Variants in RNF144A observed in about 807,000 individuals in gnomAD.
The protein encoded by RNF144A is E3 ubiquitin-protein ligase RNF144A.
In RNF144A, 11 loss-of-function variants were observed where a neutral mutation model predicts 38.7. That is an observed-to-expected ratio of 0.28 (90% CI 0.18 to 0.47). RNF144A has a LOEUF of 0.47. Ranked by LOEUF, RNF144A falls within the 20% of genes least tolerant of loss-of-function variation. The pLI is 0.99. For synonymous variants in RNF144A, 149 were observed against 143.9 expected, an observed-to-expected ratio of 1.04 and a Z score of -0.25; for missense variants, 316 against 377.2, an observed-to-expected ratio of 0.84 and a Z score of 1.34.
At chr2:6,947,376 A>G (rs1666406119) in intron 2 of RNF144A, among the ~76,000 whole-genome samples, 1 of 152,180 alleles carries the variant, frequency 6.6e-6, no homozygotes. Flanking sequence ...TTTTAAAATC[A>G]GTAAAATACT....
At chr2:7,038,849 G>A (rs932697514) in intron 8 of RNF144A, among the ~76,000 whole-genome samples, 4 of 151,796 alleles carry the variant, frequency 2.6e-5, no homozygotes, top group Admixed American at 2.0e-4. Flanking sequence ...GAGATGGGTG[G>A]GTGAGTGGGT....
At chr2:7,054,097 C>G (rs1361844853) in intron 6 of RNF144A, among the ~76,000 whole-genome samples, 5 of 152,140 alleles carry the variant, frequency 3.3e-5, no homozygotes, top group Non-Finnish European at 7.3e-5. Flanking sequence ...TGCTGCTAAC[C>G]CTGAAGGCAG....
chr2:7,032,476 A>G (rs921172624), intron 8 of RNF144A, among the ~76,000 whole-genome samples: 2 of 152,360 alleles, frequency 1.3e-5, no homozygotes, highest in South Asian at 2.1e-4. Flanking sequence ...TGGAGCTCAG[A>G]ATTCTGAAAT....
Position 7,043,110 on chromosome 2 carries a change from T to C in RNF144A, c.*3350T>C. ...CTCAAACTCCTGACCTCAGGTGATC[T>C]GCCCACCTCGGCTTCCCAAAGTGCT... On this transcript the variant is annotated 3_prime_UTR_variant, in exon 9 of 9. Transcript: ENST00000320892. 1.2e-6 allele frequency: 1 copy of C among 837,632 alleles called. No homozygotes were observed. The highest frequency in any genetic ancestry group is 1.4e-6 in the Non-Finnish European group (1 of 695,404). The allele number at this position is 837,632 out of a possible 1,614,324, so 51.9% of individuals were successfully genotyped here.
chr2:6,947,580 A>G (rs931394594), intron 2 of RNF144A, among the ~76,000 whole-genome samples: 1 of 152,200 alleles, frequency 6.6e-6, no homozygotes, highest in Non-Finnish European at 1.5e-5. Flanking sequence ...ACTGACATTG[A>G]CTTATTTTTT....
intron 6 of RNF144A, among the ~76,000 whole-genome samples, chr2:7,050,173 T>C (rs1161961830): frequency 6.6e-6 from 1 of 152,148 alleles, no homozygotes; most frequent in East Asian, 1.9e-4. Flanking sequence ...AATCTCACTT[T>C]GAATTATAAC....
At chr2:6,972,089 A>T (rs1668032261) in intron 2 of RNF144A, among the ~76,000 whole-genome samples, 1 of 152,148 alleles carries the variant, frequency 6.6e-6, no homozygotes, top group Non-Finnish European at 1.5e-5. Flanking sequence ...TATACAAGTA[A>T]CTTCAAATCA....
In RNF144A at chr2:7,040,680, A is replaced by G. The variant is rs1387320482; in HGVS notation, c.*920A>G. On this transcript the variant is annotated 3_prime_UTR_variant, in exon 9 of 9. Transcript: ENST00000320892. ...TTGCTGCCGTCTGGCCTCTGGCCTC[A>G]GTCTTCAGATAGACAGTAAGAAGAA... 1 of 985,380 alleles carries G rather than the reference A, an allele frequency of 1.0e-6. No individual in the cohort carries two copies. Among genetic ancestry groups the G allele is most frequent in the Non-Finnish European group, 1.2e-6 (1 of 829,962 alleles). 61.0% of individuals were successfully genotyped at this position (985,380 alleles called of 1,614,324 possible). A position where few individuals can be genotyped will look rare whatever the true frequency, so the allele number is the denominator to read the frequency against.
chr2:6,942,921 T>G (rs140630639), intron 2 of RNF144A, among the ~76,000 whole-genome samples: 1,765 of 151,470 alleles, frequency 0.012, 17 homozygotes, highest in South Asian at 0.034. Flanking sequence ...GAGGCGGAGG[T>G]CGCAGTGAGC....
chr2:7,049,186 G>A (rs565525979), intron 6 of RNF144A, among the ~76,000 whole-genome samples: 3 of 152,206 alleles, frequency 2.0e-5, no homozygotes, highest in Non-Finnish European at 4.4e-5. Flanking sequence ...GGCTGTTGGG[G>A]GATGGGCTGG....
At chr2:6,919,281 T>A (rs961393289) in intron 1 of RNF144A, among the ~76,000 whole-genome samples, 7 of 152,210 alleles carry the variant, frequency 4.6e-5, no homozygotes, top group Non-Finnish European at 1.0e-4. Context: ...CACCGTGAAC[T>A]TTCCCAGGGG....
intron 2 of RNF144A, among the ~76,000 whole-genome samples, chr2:6,953,088 A>T (rs1666787205): frequency 2.0e-5 from 3 of 152,134 alleles, no homozygotes; most frequent in African/African-American, 7.2e-5. Context: ...ACAGCTCAAT[A>T]ATTTTTAGCC....
At chr2:6,938,495 C>T (rs1321079676) in intron 1 of RNF144A, among the ~76,000 whole-genome samples, 1 of 152,138 alleles carries the variant, frequency 6.6e-6, no homozygotes, top group African/African-American at 2.4e-5. Context: ...ATCCACCTGC[C>T]TCGGCCTCCC....
intron 8 of RNF144A, among the ~76,000 whole-genome samples, chr2:7,038,811 T>G (rs1672849859): frequency 6.6e-6 from 1 of 150,696 alleles, no homozygotes; most frequent in African/African-American, 2.4e-5. Context: ...GATGGATGGG[T>G]AGATGGGTGG....
intron 8 of RNF144A, among the ~76,000 whole-genome samples, chr2:7,035,321 A>G (rs1175769780): frequency 6.6e-6 from 1 of 152,204 alleles, no homozygotes; most frequent in African/African-American, 2.4e-5. Context: ...ACTGCAGCCC[A>G]CAGGGAGACA....
intron 2 of RNF144A, among the ~76,000 whole-genome samples, chr2:6,981,707 C>T (rs1668643511): frequency 6.6e-6 from 1 of 152,196 alleles, no homozygotes; most frequent in Non-Finnish European, 1.5e-5. Flanking sequence ...CTGTCTTACT[C>T]TGAGCCCTCC....
intron 2 of RNF144A, among the ~76,000 whole-genome samples, chr2:6,948,546 C>T (rs887402083): frequency 3.3e-5 from 5 of 152,192 alleles, no homozygotes; most frequent in African/African-American, 7.2e-5. Flanking sequence ...GATGAGGCAA[C>T]GGGCCATTGG....
rs1396301764 is a variant in RNF144A at position 7,001,053 on chromosome 2, A to G, written c.135+3992A>G. On this transcript the variant is annotated intron_variant, in intron 3 of 8. Coordinates refer to ENST00000320892, the MANE Select transcript of RNF144A (RefSeq NM_014746.6). ...AGTGGCTCATGTCTGTAATCCTAGCACTTTGGGAGGCTGAGGCGGGTGGAT... is the reference window on the plus strand; with the variant it reads ...AGTGGCTCATGTCTGTAATCCTAGCGCTTTGGGAGGCTGAGGCGGGTGGAT... 2.0e-5 allele frequency among the ~76,000 whole-genome samples: 3 copies of G among 152,120 alleles called. 1 individual carries two copies. The highest frequency in any genetic ancestry group is 6.6e-5 in the Admixed American group (1 of 15,266).
intron 7 of RNF144A, among the ~76,000 whole-genome samples, chr2:7,026,109 T>C (rs949124402): frequency 1.3e-5 from 2 of 152,230 alleles, no homozygotes; most frequent in Non-Finnish European, 2.9e-5. Flanking sequence ...AAGCACAGGC[T>C]GAGAGATTTG....
Sources: allele counts gnomAD v4.1 joint callset (sites outside exome capture counted in the v4.1 genomes callset), GRCh38; gene constraint gnomAD v4.1.1; transcripts MANE v1.5; gene names NCBI Gene and HGNC (gene_info 2026-07-23, HGNC 2026-07-21).